EXD1: variants seen among roughly 807,000 people sequenced by gnomAD.
EXD1 encodes exonuclease 3'-5' domain containing 1, also known as piRNA biogenesis protein EXD1.
In EXD1, 63 loss-of-function variants were observed where a neutral mutation model predicts 49.1. The ratio of observed to expected loss-of-function variants is 1.28; its 90% CI spans 1.05 to 1.58. The LOEUF is 1.58. EXD1 is among the 40% of genes most tolerant of loss of function. The pLI is 0.00. For synonymous variants in EXD1, 234 were observed against 239.2 expected (o/e 0.98, Z 0.20); for missense variants, 748 against 666.0 (o/e 1.12, Z -1.36).
chr15:41,226,643 A>G lies in EXD1; in HGVS notation c.-53-15T>C. Reference sequence around the variant, plus strand: ...GCATCCAAACACTTGAAAATTAATAAAGAGATCTATGAATTTTAAAAGATT... The same window carrying G: ...GCATCCAAACACTTGAAAATTAATAGAGAGATCTATGAATTTTAAAAGATT... On this transcript the variant is annotated splice_polypyrimidine_tract_variant and intron_variant, in intron 1 of 11. Transcript: ENST00000458580. 7 of 1,473,850 alleles carry G rather than the reference A, an allele frequency of 4.7e-6. No homozygotes were observed. In the South Asian group the frequency reaches 9.6e-5, roughly 20 times the overall value. 91.3% of individuals were successfully genotyped at this position (1,473,850 alleles called of 1,614,324 possible). A position where few individuals can be genotyped will look rare whatever the true frequency, so the allele number is the denominator to read the frequency against.
At chr15:41,216,319 G>A (rs61491928) in intron 5 of EXD1, among the ~76,000 whole-genome samples, 23,436 of 149,282 alleles carry the variant, frequency 0.16, 3,434 homozygotes, top group African/African-American at 0.39. Flanking sequence ...AAAAAAAAAA[G>A]AGAGAGAGAG....
At chr15:41,186,843 C>A (rs1259277099) in intron 11 of EXD1, among the ~76,000 whole-genome samples, 1 of 150,424 alleles carries the variant, frequency 6.6e-6, no homozygotes. Flanking sequence ...GGTGCACTCT[C>A]GGCTCACTGC....
At chr15:41,210,564 A>G in intron 6 of EXD1, among the ~76,000 whole-genome samples, 1 of 152,046 alleles carries the variant, frequency 6.6e-6, no homozygotes, top group East Asian at 1.9e-4. Flanking sequence ...GCACACCTGC[A>G]GTGTAGCCCC....
At chr15:41,205,447 C>T (rs926558018) in intron 7 of EXD1, among the ~76,000 whole-genome samples, 9 of 152,002 alleles carry the variant, frequency 5.9e-5, no homozygotes, top group Non-Finnish European at 1.5e-5. Context: ...TGTATGGCAT[C>T]CTTAAAGATA....
chr15:41,202,635 G>A (rs1423961115), intron 7 of EXD1, among the ~76,000 whole-genome samples: 1 of 152,046 alleles, frequency 6.6e-6, no homozygotes, highest in Non-Finnish European at 1.5e-5. Flanking sequence ...CTCAGCTAAT[G>A]TTTTTGTTTT....
At chr15:41,197,386 C>G (rs947062133) in intron 7 of EXD1, among the ~76,000 whole-genome samples, 1 of 151,782 alleles carries the variant, frequency 6.6e-6, no homozygotes, top group African/African-American at 2.4e-5. Context: ...TGCCACCATG[C>G]CCTGCTAATT....
chr15:41,196,040 A>C lies in EXD1; in HGVS notation c.535-3T>G. ...TAAACTCGGCAATTTGTGGCCACCT[A>C]CAATAGACCATCCAGACACACATAC... On this transcript the variant is annotated splice_region_variant and splice_polypyrimidine_tract_variant and intron_variant, in intron 7 of 11. Coordinates refer to ENST00000458580, the MANE Select transcript of EXD1 (RefSeq NM_001286441.2). 1 of 1,606,906 alleles carries C rather than the reference A, an allele frequency of 6.2e-7. No homozygotes were observed. Among genetic ancestry groups the C allele is most frequent in the Non-Finnish European group, 8.5e-7 (1 of 1,176,894 alleles).
chr15:41,226,587 C>T lies in EXD1; in HGVS notation c.-12G>A. ...CTGCTGGGGTCCATGCTAATTGATT[C>T]CAAAAGCCGTCTTCAAATAATCTTC... On this transcript the variant is annotated 5_prime_UTR_variant, in exon 2 of 12. Coordinates refer to ENST00000458580, the MANE Select transcript of EXD1 (RefSeq NM_001286441.2). 2 of 1,529,946 alleles carry T rather than the reference C, an allele frequency of 1.3e-6. No homozygotes were observed. Among genetic ancestry groups the T allele is most frequent in the Middle Eastern group, 3.4e-4 (2 of 5,970 alleles). 94.8% of individuals were successfully genotyped at this position (1,529,946 alleles called of 1,614,324 possible).
rs991991896 is a variant in EXD1 at position 41,230,718 on chromosome 15, C to G, written c.-293G>C. 23 of 663,126 alleles carry G rather than the reference C, an allele frequency of 3.5e-5. No individual in the cohort carries two copies. Among genetic ancestry groups the G allele is most frequent in the Non-Finnish European group, 5.7e-5 (23 of 400,718 alleles). The allele number at this position is 663,126 out of a possible 1,614,324, so 41.1% of individuals were successfully genotyped here. A position where few individuals can be genotyped will look rare whatever the true frequency, so the allele number is the denominator to read the frequency against. On this transcript the variant is annotated 5_prime_UTR_variant, in exon 1 of 12. Transcript: ENST00000458580. ...TCCGCGACGCCGGGGACACACGCCG[C>G]AGAGGCGACGCCCGCCCGGCCCAAC...
At chr15:41,213,032 C>A (rs922229362) in intron 6 of EXD1, among the ~76,000 whole-genome samples, 37 of 151,442 alleles carry the variant, frequency 2.4e-4, no homozygotes, top group Non-Finnish European at 2.5e-4. Flanking sequence ...CAGAGCAAGA[C>A]CCCGTCTCAA....
chr15:41,208,010 CAAA>C (rs10707284), intron 7 of EXD1, among the ~76,000 whole-genome samples: 16 of 106,340 alleles, frequency 1.5e-4, no homozygotes, highest in Non-Finnish European at 1.4e-4. Context: ...GACCCTGCCT[CAAA>C]AAAAAAAAAA....
chr15:41,202,335 C>G (rs2140858299), intron 7 of EXD1, among the ~76,000 whole-genome samples: 1 of 151,528 alleles, frequency 6.6e-6, no homozygotes, highest in South Asian at 2.1e-4. Flanking sequence ...GCCACCAGGT[C>G]CAGCTAATTT....
chr15:41,203,916 CAAAAAAAAAAA>C (rs1187093511), intron 7 of EXD1, among the ~76,000 whole-genome samples: 39 of 23,244 alleles, frequency 1.7e-3, no homozygotes, highest in South Asian at 3.5e-3. Flanking sequence ...GACTTCTCCT[CAAAAAAAAAAA>C]AAAAAAAAAA....
rs2047164447 is a variant in EXD1 at position 41,226,339 on chromosome 15, C to T, written c.133+104G>A. 7.2e-6 allele frequency: 8 copies of T among 1,109,318 alleles called. No homozygotes were observed. In the South Asian group the frequency reaches 1.1e-4, roughly 15 times the overall value. 68.7% of individuals were successfully genotyped at this position (1,109,318 alleles called of 1,614,324 possible). A position where few individuals can be genotyped will look rare whatever the true frequency, so the allele number is the denominator to read the frequency against. On this transcript the variant is annotated intron_variant, in intron 2 of 11. Transcript: ENST00000458580. ...ATTCTAACCTTCCTCCCACACTTTA[C>T]CTAAAATAGGAATAATGCCACCCTC... is the stretch of plus-strand genomic sequence containing the variant.
chr15:41,203,592 C>G (rs1427773190), intron 7 of EXD1, among the ~76,000 whole-genome samples: 1 of 151,978 alleles, frequency 6.6e-6, no homozygotes, highest in Non-Finnish European at 1.5e-5. Flanking sequence ...TCACGGAAAC[C>G]AGAACCCAGT....
chr15:41,187,385 C>T lies in EXD1; in HGVS notation c.1056+2552G>A, dbSNP rs186780890. On this transcript the variant is annotated intron_variant, in intron 11 of 11. Coordinates refer to ENST00000458580, the MANE Select transcript of EXD1 (RefSeq NM_001286441.2). ...GATTACAGGCATGAGCCACTACACC[C>T]GGCTCATCCATACGTTTCATATAAT... is the stretch of plus-strand genomic sequence containing the variant. 1.6e-4 allele frequency among the ~76,000 whole-genome samples: 24 copies of T among 152,296 alleles called. No individual in the cohort carries two copies. In the East Asian group the frequency reaches 1.9e-3, roughly 12 times the overall value.
chr15:41,229,408 G>C (rs990593010), intron 1 of EXD1, among the ~76,000 whole-genome samples: 7 of 152,080 alleles, frequency 4.6e-5, no homozygotes, highest in Non-Finnish European at 8.8e-5. Context: ...AACCCGCCTG[G>C]AGGTTGCAGT....
At chr15:41,224,361 ACCTGT>A (rs2047131677) in intron 2 of EXD1, among the ~76,000 whole-genome samples, 1 of 152,202 alleles carries the variant, frequency 6.6e-6, no homozygotes, top group Non-Finnish European at 1.5e-5. Context: ...TGTTGCAGAA[ACCTGT>A]TACAATCCCA....
intron 7 of EXD1, among the ~76,000 whole-genome samples, chr15:41,208,646 G>A (rs1228475104): frequency 6.6e-6 from 1 of 152,026 alleles, no homozygotes. Flanking sequence ...CAGCTACCCA[G>A]GAGGCTGAGG....
Sources: gnomAD v4.1 joint callset for allele counts (sites outside exome capture counted in the v4.1 genomes callset) on GRCh38, gnomAD v4.1.1 for gene constraint, MANE v1.5 for transcripts, NCBI Gene and HGNC (gene_info 2026-07-23, HGNC 2026-07-21) for gene names.